POU2F3: variants seen among roughly 807,000 people sequenced by gnomAD.
POU2F3 encodes the protein POU domain, class 2, transcription factor 3.
Under a neutral mutation model 59.2 loss-of-function variants are expected in POU2F3, and 23 were observed. The ratio of observed to expected loss-of-function variants is 0.39; its 90% confidence interval spans 0.28 to 0.55. POU2F3 has a LOEUF of 0.55. POU2F3 is among the 20% of genes least tolerant of loss of function. The pLI, the probability that POU2F3 is intolerant of heterozygous loss-of-function variation, is 0.66. For missense variants in POU2F3, 473 were observed against 544.5 expected, an observed-to-expected ratio of 0.87 and a Z score of 1.31; for synonymous variants, 190 against 214.6, an observed-to-expected ratio of 0.89 and a Z score of 1.00.
intron 3 of POU2F3, among the ~76,000 whole-genome samples, chr11:120,290,863 T>C (rs1303457930): frequency 6.6e-6 from 1 of 152,264 alleles, no homozygotes; most frequent in Admixed American, 6.5e-5. Context: ...GGACAGGGCA[T>C]GTGCACTTCC....
chr11:120,296,546 C>A (rs1941197683), intron 3 of POU2F3, among the ~76,000 whole-genome samples: 1 of 152,270 alleles, frequency 6.6e-6, no homozygotes, highest in South Asian at 2.1e-4. Flanking sequence ...CTGATCCTCT[C>A]CCTCCTCTCA....
At chr11:120,284,398 T>C (rs757981852) in intron 3 of POU2F3, among the ~76,000 whole-genome samples, 2 of 152,104 alleles carry the variant, frequency 1.3e-5, no homozygotes, top group Non-Finnish European at 2.9e-5. Context: ...TTTATGCAAA[T>C]AGAGTGTGGA....
intron 2 of POU2F3, chr11:120,259,056 G>A (rs749306825): frequency 6.6e-6 from 1 of 152,294 alleles, no homozygotes; most frequent in Non-Finnish European, 1.5e-5. Context: ...TAGCAAAGGT[G>A]GGTGCAGCAG....
intron 1 of POU2F3, among the ~76,000 whole-genome samples, chr11:120,242,287 G>T (rs556964014): frequency 6.6e-6 from 1 of 152,256 alleles, no homozygotes; most frequent in East Asian, 1.9e-4. Context: ...GGCTCTCTTT[G>T]CTGGGTCCTC....
rs568861557 is a variant in POU2F3 at position 120,318,440 on chromosome 11, A to G, written c.*48A>G. 5.9e-5 allele frequency: 90 copies of G among 1,521,054 alleles called. No individual in the cohort carries two copies. The South Asian group carries it at 9.7e-4, about 16-fold the overall frequency. The allele number at this position is 1,521,054 out of a possible 1,614,324, so 94.2% of individuals were successfully genotyped here. ...CAGCTGGCCCTGTATTCCCCCTGGA[A>G]GGAAGGGAATCATGCCTTCTATATA... is the stretch of plus-strand genomic sequence containing the variant. On this transcript the variant is annotated 3_prime_UTR_variant, in exon 13 of 13. Coordinates refer to ENST00000543440, the MANE Select transcript of POU2F3 (RefSeq NM_014352.4).
In POU2F3 at chr11:120,319,384, T is replaced by G. The variant is rs1941862998; in HGVS notation, c.*992T>G. On this transcript the variant is annotated 3_prime_UTR_variant, in exon 13 of 13. Coordinates refer to ENST00000543440, the MANE Select transcript of POU2F3 (RefSeq NM_014352.4). ...AAAAAAAGGGGGGGAAATACCAAAG[T>G]GTGAAATACTGTGCTACCTTCCAGA... 6.6e-6 allele frequency: 1 copy of G among 152,108 alleles called. No individual in the cohort carries two copies. Among genetic ancestry groups the G allele is most frequent in the Non-Finnish European group, 1.5e-5 (1 of 67,980 alleles). 9.4% of individuals were successfully genotyped at this position (152,108 alleles called of 1,614,324 possible).
At chr11:120,246,883 C>T (rs1035738530) in intron 2 of POU2F3, among the ~76,000 whole-genome samples, 1 of 152,186 alleles carries the variant, frequency 6.6e-6, no homozygotes, top group South Asian at 2.1e-4. Context: ...CCTTGATAGT[C>T]CTACTCAAGG....
At chr11:120,273,340 C>T (rs986366666) in intron 3 of POU2F3, among the ~76,000 whole-genome samples, 1 of 152,170 alleles carries the variant, frequency 6.6e-6, no homozygotes, top group African/African-American at 2.4e-5. Flanking sequence ...CTGTGAGAGA[C>T]ATGAGAATGC....
Position 120,299,695 on chromosome 11 carries a change from C to T in POU2F3, c.330C>T (p.Phe110=). 1 of 1,613,512 alleles carries T rather than the reference C, an allele frequency of 6.2e-7. No individual in the cohort carries two copies. Among genetic ancestry groups the T allele is most frequent in the Non-Finnish European group, 8.5e-7 (1 of 1,179,978 alleles). Residue 110 remains phenylalanine (F), a synonymous_variant, in exon 5 of 13, where the codon TTC becomes TTT. Transcript: ENST00000543440. ...GCCACTTACAGTCTGTATCCCAGTT[C>T]CTGCTATCTCAGACCCAGCCTGGGC... ...VPGHLQSVSQ[F]LLSQTQPGQQ...
intron 1 of POU2F3, among the ~76,000 whole-genome samples, chr11:120,243,573 T>C (rs1264734292): frequency 6.6e-6 from 1 of 152,146 alleles, no homozygotes; most frequent in African/African-American, 2.4e-5. Flanking sequence ...AGTGTCTGGC[T>C]GAGATAACAC....
intron 3 of POU2F3, among the ~76,000 whole-genome samples, chr11:120,289,401 T>A (rs904562383): frequency 6.6e-6 from 1 of 152,222 alleles, no homozygotes; most frequent in South Asian, 2.1e-4. Context: ...AGTCATGCTC[T>A]CTTCAAATCC....
At chr11:120,250,915 TG>T (rs1265672122) in intron 2 of POU2F3, among the ~76,000 whole-genome samples, 1 of 151,292 alleles carries the variant, frequency 6.6e-6, no homozygotes, top group Non-Finnish European at 1.5e-5. Context: ...AGGCAGAGGT[TG>T]CAGTGAGCCG....
chr11:120,237,265 A>G (rs997202273), upstream of POU2F3, among the ~76,000 whole-genome samples: 1 of 152,124 alleles, frequency 6.6e-6, no homozygotes, highest in African/African-American at 2.4e-5. Flanking sequence ...CACTCAATCT[A>G]TATTCATTGA....
chr11:120,260,117 G>A (rs1033621844), intron 2 of POU2F3, among the ~76,000 whole-genome samples: 6 of 152,204 alleles, frequency 3.9e-5, no homozygotes, highest in South Asian at 4.1e-4. Context: ...GGAGAGGCTC[G>A]GCCCCATTGC....
At chr11:120,304,899 G>C (rs1450598651) in intron 6 of POU2F3, 131 bp from the exon 7 acceptor site, 2 of 684,224 alleles carry the variant, frequency 2.9e-6, no homozygotes, top group Admixed American at 3.2e-5. Context: ...AATGTACCCA[G>C]GGTGTATCCA....
intron 3 of POU2F3, 52 bp downstream of exon 3, chr11:120,269,296 C>A: frequency 7.1e-7 from 1 of 1,417,422 alleles, no homozygotes; most frequent in Non-Finnish European, 1.0e-6. Flanking sequence ...TTGGGCATCA[C>A]CTATACTGTC....
chr11:120,297,883 A>G (rs1455814895), intron 3 of POU2F3, among the ~76,000 whole-genome samples: 1 of 150,480 alleles, frequency 6.6e-6, no homozygotes, highest in Non-Finnish European at 1.5e-5. Context: ...TGATCCTCCT[A>G]TCTCAGCCTC....
chr11:120,279,218 G>A (rs889720488), intron 3 of POU2F3, among the ~76,000 whole-genome samples: 2 of 152,060 alleles, frequency 1.3e-5, no homozygotes, highest in African/African-American at 4.8e-5. Context: ...CTCGGGAGGA[G>A]GCCGTGTGAT....
intron 3 of POU2F3, among the ~76,000 whole-genome samples, chr11:120,277,245 C>T (rs1325564928): frequency 4.0e-5 from 6 of 150,638 alleles, no homozygotes; most frequent in East Asian, 2.0e-4. Flanking sequence ...GAGCCGAGAT[C>T]GTGCCACTGC....
Sources: allele counts gnomAD v4.1 joint callset (sites outside exome capture counted in the v4.1 genomes callset), GRCh38; gene constraint gnomAD v4.1.1; transcripts MANE v1.5; gene names NCBI Gene and HGNC (gene_info 2026-07-23, HGNC 2026-07-21).